Variants in ZNF599 observed in about 807,000 individuals in gnomAD.
The protein encoded by ZNF599 is zinc finger protein 599.
ZNF599 carries 10 observed loss-of-function variants against 11.7 expected under a neutral mutation model. The ratio of observed to expected loss-of-function variants is 0.86; its 90% CI spans 0.53 to 1.45. The LOEUF (loss-of-function observed/expected upper bound fraction) is 1.45, where lower values mean the gene tolerates loss of function less well. ZNF599 is among the 40% of genes most tolerant of loss of function. The pLI is 0.00. For synonymous variants in ZNF599, 232 were observed against 253.2 expected, an observed-to-expected ratio of 0.92 and a Z score of 0.79; for missense variants, 688 against 713.6, an observed-to-expected ratio of 0.96 and a Z score of 0.41.
the ZNF599 span, among the ~76,000 whole-genome samples, chr19:34,781,025 G>A: frequency 2.6e-5 from 4 of 152,020 alleles, no homozygotes; most frequent in South Asian, 2.1e-4. Context: ...GCGCGGTGGC[G>A]GGCACCTGTA....
chr19:34,802,953 A>G, the ZNF599 span, among the ~76,000 whole-genome samples: 2 of 152,226 alleles, frequency 1.3e-5, no homozygotes, highest in Non-Finnish European at 2.9e-5. Context: ...TAAGAAAACC[A>G]AATGTTACAA....
At chr19:34,777,490 A>G (rs2069226497), upstream of ZNF599, among the ~76,000 whole-genome samples, 1 of 108,266 alleles carries the variant, frequency 9.2e-6, no homozygotes, top group South Asian at 2.4e-4. Context: ...TATATAATAT[A>G]TGATATATAT....
In ZNF599 at chr19:34,758,568, T is replaced by C. The variant is rs758329214; in HGVS notation, c.*466A>G. On this transcript the variant is annotated 3_prime_UTR_variant, in exon 4 of 4. Coordinates refer to ENST00000329285, the MANE Select transcript of ZNF599 (RefSeq NM_001007248.3). ...GAGACTTTTTCAATGTCTTATTCCC[T>C]GCTCCATCCCCCAACCCGCCAAATG... 5.8e-5 allele frequency: 9 copies of C among 156,168 alleles called. No individual in the cohort carries two copies. Among genetic ancestry groups the C allele is most frequent in the Non-Finnish European group, 1.3e-4 (9 of 70,600 alleles). The allele number at this position is 156,168 out of a possible 1,614,324, so 9.7% of individuals were successfully genotyped here.
At chr19:34,779,796 GC>G in the ZNF599 span, 2 of 209,704 alleles carry the variant, frequency 9.5e-6, no homozygotes, top group Non-Finnish European at 1.9e-5. Context: ...CACCCATAAG[GC>G]CTTTCCCCAG....
the ZNF599 span, among the ~76,000 whole-genome samples, chr19:34,801,236 T>G: frequency 2.0e-5 from 3 of 152,246 alleles, 1 homozygote; most frequent in Admixed American, 1.3e-4. Context: ...GCATTTCTAA[T>G]ATCTGTTGCT....
chr19:34,771,237 C>T (rs1311868251), intron 1 of ZNF599, among the ~76,000 whole-genome samples: 1 of 152,110 alleles, frequency 6.6e-6, no homozygotes, highest in Admixed American at 6.5e-5. Context: ...AGCAACAGAG[C>T]TAGACCCTCT....
At position 34,759,979 on chromosome 19, in the gene ZNF599, C is replaced by G; in HGVS notation, c.822G>C (p.Gln274His). 1 of 1,614,144 alleles carries G rather than the reference C, an allele frequency of 6.2e-7. No individual in the cohort carries two copies. The highest frequency in any genetic ancestry group is 1.1e-5 in the South Asian group (1 of 91,084). ...FKRRFHLTEHQRIHTGDKPYE... is the reference protein window; with the variant it reads ...FKRRFHLTEHHRIHTGDKPYE... ...AGGGCTTATCTCCGGTGTGAATACGCTGGTGCTCCGTGAGGTGAAACCTGC... is the reference window on the plus strand; with the variant it reads ...AGGGCTTATCTCCGGTGTGAATACGGTGGTGCTCCGTGAGGTGAAACCTGC... The change falls in exon 4 of 4, where the codon CAG becomes CAC. Residue 274 changes from glutamine to histidine, a missense_variant. By Grantham distance (24) the Gln-to-His change is conservative (BLOSUM62 0). Transcript: ENST00000329285.
In ZNF599 at chr19:34,759,119, T is replaced by G; in HGVS notation, c.1682A>C (p.Lys561Thr). 6.2e-7 allele frequency: 1 copy of G among 1,614,266 alleles called. No individual in the cohort carries two copies. The highest frequency in any genetic ancestry group is 8.5e-7 in the Non-Finnish European group (1 of 1,180,046). ...TQHMRTHTGE[K>T]PFECNECGKT... The stretch of plus-strand genomic sequence containing the variant: ...TCCACATTCATTGCATTCAAAGGGT[T>G]TCTCTCCAGTGTGAGTTCTCATGTG... Residue 561 changes from lysine (K) to threonine (T), a missense_variant, in exon 4 of 4, where the codon AAA becomes ACA. Coordinates refer to ENST00000329285, the MANE Select transcript of ZNF599 (RefSeq NM_001007248.3).
chr19:34,782,181 A>G, the ZNF599 span, among the ~76,000 whole-genome samples: 1 of 152,214 alleles, frequency 6.6e-6, no homozygotes, highest in African/African-American at 2.4e-5. Context: ...CTATTCCACC[A>G]TCTCCAGTTG....
chr19:34,782,667 GGAC>G, the ZNF599 span, among the ~76,000 whole-genome samples: 3 of 152,190 alleles, frequency 2.0e-5, no homozygotes, highest in Admixed American at 2.0e-4. Context: ...CCAGCTGTGA[GGAC>G]AGAGCCGCCT....
chr19:34,773,302 C>A (rs2069199075), upstream of ZNF599: 1 of 165,448 alleles, frequency 6.0e-6, no homozygotes, highest in Non-Finnish European at 1.3e-5. Context: ...GTAGCACTGC[C>A]TTCTGGGTAA....
In ZNF599 at chr19:34,759,946, G is replaced by T. The variant is rs1269736813; in HGVS notation, c.855C>A (p.Cys285Ter). ...RIHTGDKPYE[C>*]KECGKAFTHR... ...GGGTGAATGCTTTGCCACATTCTTT[G>T]CACTCATAGGGCTTATCTCCGGTGT... The change falls in exon 4 of 4, where the codon TGC becomes TGA. Residue 285 changes from cysteine to a stop codon, truncating the protein, a stop_gained. Coordinates refer to ENST00000329285, the MANE Select transcript of ZNF599 (RefSeq NM_001007248.3). LOFTEE classifies it low-confidence loss of function (END_TRUNC). 4 of 1,614,066 alleles carry T rather than the reference G, an allele frequency of 2.5e-6. No homozygotes were observed. The African/African-American group carries it at 5.3e-5, about 22-fold the overall frequency.
At chr19:34,803,309 G>T in the ZNF599 span, among the ~76,000 whole-genome samples, 1 of 152,186 alleles carries the variant, frequency 6.6e-6, no homozygotes, top group East Asian at 1.9e-4. Context: ...TGGGGAAAAG[G>T]AAAGGCAGAA....
At chr19:34,795,613 C>A in the ZNF599 span, among the ~76,000 whole-genome samples, 15 of 152,058 alleles carry the variant, frequency 9.9e-5, no homozygotes, top group African/African-American at 3.4e-4. Flanking sequence ...GTTCAATTAT[C>A]CCTGAATTGT....
chr19:34,778,523 T>C, the ZNF599 span, among the ~76,000 whole-genome samples: 1 of 152,176 alleles, frequency 6.6e-6, no homozygotes, highest in Non-Finnish European at 1.5e-5. Flanking sequence ...TTTAGAGACA[T>C]TTTGTTGCAT....
At chr19:34,783,131 T>C in the ZNF599 span, among the ~76,000 whole-genome samples, 2 of 152,174 alleles carry the variant, frequency 1.3e-5, no homozygotes, top group African/African-American at 4.8e-5. Context: ...AAAATGCACC[T>C]GGGATTTGTT....
Position 34,769,482 on chromosome 19 carries a change from C to T in ZNF599, c.92G>A (p.Arg31Lys), listed in dbSNP as rs768713255. The T allele has an allele frequency of 1.2e-6, 2 of 1,614,216 alleles. No individual in the cohort carries two copies. The highest frequency in any genetic ancestry group is 1.7e-6 in the Non-Finnish European group (2 of 1,180,026). Reference protein sequence around the residue: ...EEWGHLDLAQRTLYQEVMLET... With the variant: ...EEWGHLDLAQKTLYQEVMLET... Reference sequence around the variant, plus strand: ...CAGCATCACCTCCTGGTACAGGGTCCTCTGGGCCAGGTCCAGGTGCCCCCA... The same window carrying T: ...CAGCATCACCTCCTGGTACAGGGTCTTCTGGGCCAGGTCCAGGTGCCCCCA... Residue 31 changes from arginine (R) to lysine (K), a missense_variant, in exon 2 of 4, where the codon AGG becomes AAG. Physicochemically the swap from Arg to Lys is conservative, Grantham distance 26. Coordinates refer to ENST00000329285, the MANE Select transcript of ZNF599 (RefSeq NM_001007248.3).
the ZNF599 span, among the ~76,000 whole-genome samples, chr19:34,792,557 A>G: frequency 6.6e-5 from 10 of 152,260 alleles, no homozygotes; most frequent in South Asian, 2.1e-4. Context: ...CAACAATCTC[A>G]AGACTGAAAT....
the ZNF599 span, among the ~76,000 whole-genome samples, chr19:34,796,528 C>T: frequency 6.6e-6 from 1 of 152,066 alleles, no homozygotes; most frequent in Non-Finnish European, 1.5e-5. Flanking sequence ...CCAGGCTAGT[C>T]TCAAACTCCT....
Sources: gnomAD v4.1 joint callset for allele counts (sites outside exome capture counted in the v4.1 genomes callset) on GRCh38, gnomAD v4.1.1 for gene constraint, MANE v1.5 for transcripts, NCBI Gene and HGNC (gene_info 2026-07-23, HGNC 2026-07-21) for gene names.